The following COL24A1 variants were observed in gnomAD, a reference collection of about 807,000 sequenced individuals.
COL24A1 encodes collagen type XXIV alpha 1 chain, also known as collagen alpha-1(XXIV) chain.
Under a neutral mutation model 253.9 loss-of-function variants are expected in COL24A1, and 224 were observed. The ratio of observed to expected loss-of-function variants is 0.88; its 90% confidence interval spans 0.79 to 0.99. COL24A1 has a LOEUF of 0.99. Among genes scored for constraint, COL24A1 ranks in the 50% least tolerant of loss-of-function variants. The pLI, the probability that COL24A1 is intolerant of heterozygous loss-of-function variation, is 0.00. For missense variants in COL24A1, 2,131 were observed against 2,068.5 expected (o/e 1.03, Z -0.59); for synonymous variants, 685 against 673.7 (o/e 1.02, Z -0.26).
intron 55 of COL24A1, among the ~76,000 whole-genome samples, chr1:85,748,800 C>G (rs1380596591): frequency 2.2e-5 from 2 of 92,366 alleles, no homozygotes; most frequent in African/African-American, 4.0e-5. Flanking sequence ...GGGTCACTCC[C>G]ACCCGAATAT....
In COL24A1 at chr1:85,896,387, A is replaced by C; in HGVS notation, c.2801T>G (p.Leu934Arg). Reference protein sequence around the residue: ...GQRGSRGPDGLLGEQGIQGAK... With the variant: ...GQRGSRGPDGRLGEQGIQGAK... Reference sequence around the variant, plus strand: ...ACCTTGTATACCTTGTTCCCCTAAGAGACCATCTGGTCCTCTTGATCCCTA... The same window carrying C: ...ACCTTGTATACCTTGTTCCCCTAAGCGACCATCTGGTCCTCTTGATCCCTA... The change falls in exon 29 of 60, where the codon CTC becomes CGC. Residue 934 changes from leucine (L) to arginine (R), a missense_variant. Physicochemically the swap from Leu to Arg is moderately radical, Grantham distance 102 (BLOSUM62 -2). Coordinates refer to ENST00000370571, the MANE Select transcript of COL24A1 (RefSeq NM_152890.7). The C allele has an allele frequency of 6.2e-7, 1 of 1,613,528 alleles. No individual in the cohort carries two copies. The highest frequency in any genetic ancestry group is 8.5e-7 in the Non-Finnish European group (1 of 1,179,480).
chr1:85,781,192 CA>C, intron 52 of COL24A1, 27 bp downstream of exon 52: 1 of 1,509,972 alleles, frequency 6.6e-7, no homozygotes, highest in Non-Finnish European at 9.0e-7. Context: ...AAAAAGAGTA[CA>C]AAAGACTTGT....
intron 37 of COL24A1, among the ~76,000 whole-genome samples, chr1:85,860,940 T>A (rs1679078491): frequency 6.6e-6 from 1 of 152,238 alleles, no homozygotes; most frequent in Non-Finnish European, 1.5e-5. Context: ...TTCTACTTTT[T>A]CGCTCTTATA....
At chr1:85,742,681 A>G (rs967587228) in intron 57 of COL24A1, among the ~76,000 whole-genome samples, 1 of 152,094 alleles carries the variant, frequency 6.6e-6, no homozygotes. Flanking sequence ...TGTTAACAAC[A>G]TCCCACCCTT....
intron 47 of COL24A1, among the ~76,000 whole-genome samples, chr1:85,792,348 T>C (rs1239824459): frequency 6.6e-6 from 1 of 151,686 alleles, no homozygotes; most frequent in African/African-American, 2.4e-5. Flanking sequence ...AAAATATAGA[T>C]ATAAATAATA....
intron 39 of COL24A1, among the ~76,000 whole-genome samples, chr1:85,842,809 A>C (rs1676759055): frequency 6.6e-6 from 1 of 152,106 alleles, no homozygotes; most frequent in Admixed American, 6.6e-5. Context: ...ACTCATTGTT[A>C]GTTTCAGATG....
chr1:86,009,802 G>T (rs145218026), intron 19 of COL24A1, among the ~76,000 whole-genome samples: 161 of 152,174 alleles, frequency 1.1e-3, no homozygotes, highest in African/African-American at 3.7e-3. Flanking sequence ...TGTTATGAAG[G>T]CATTATATGA....
At chr1:85,809,848 A>G (rs1672354083) in intron 47 of COL24A1, among the ~76,000 whole-genome samples, 1 of 149,872 alleles carries the variant, frequency 6.7e-6, no homozygotes, top group Admixed American at 6.7e-5. Flanking sequence ...TTAGGTATGC[A>G]TTTCAGTGGC....
intron 5 of COL24A1, among the ~76,000 whole-genome samples, chr1:86,108,590 C>T (rs1705217925): frequency 1.6e-5 from 2 of 127,998 alleles, no homozygotes; most frequent in Non-Finnish European, 3.1e-5. Flanking sequence ...CGAGACCAGC[C>T]TGATGAAAAT....
At chr1:86,005,994 ATACT>A (rs1695920541) in intron 19 of COL24A1, among the ~76,000 whole-genome samples, 2 of 152,210 alleles carry the variant, frequency 1.3e-5, no homozygotes, top group Admixed American at 1.3e-4. Context: ...GCACCAACTA[ATACT>A]TAGTTATGAA....
At chr1:85,860,634 G>A (rs557704374) in intron 37 of COL24A1, among the ~76,000 whole-genome samples, 35 of 152,248 alleles carry the variant, frequency 2.3e-4, no homozygotes, top group East Asian at 3.9e-4. Context: ...CCAGCTACTC[G>A]GGAGGCTGAG....
intron 5 of COL24A1, among the ~76,000 whole-genome samples, chr1:86,104,951 T>C (rs1303756239): frequency 6.6e-6 from 1 of 152,114 alleles, no homozygotes; most frequent in East Asian, 1.9e-4. Context: ...GTAGCATGAC[T>C]CAGGAAGGTG....
intron 7 of COL24A1, among the ~76,000 whole-genome samples, chr1:86,078,752 G>A (rs2101892757): frequency 6.6e-6 from 1 of 152,054 alleles, no homozygotes; most frequent in South Asian, 2.1e-4. Flanking sequence ...AACCAAATAA[G>A]TAAAAGATCT....
chr1:86,145,998 G>A, intron 2 of COL24A1, 121 bp downstream of exon 2: 2 of 777,674 alleles, frequency 2.6e-6, no homozygotes, highest in Admixed American at 2.8e-5. Flanking sequence ...GGTACTGGGT[G>A]GAATTTTTGT....
At chr1:85,835,073 C>T (rs1264683685) in intron 43 of COL24A1, among the ~76,000 whole-genome samples, 1 of 152,106 alleles carries the variant, frequency 6.6e-6, no homozygotes, top group Non-Finnish European at 1.5e-5. Context: ...CCTAGCTCTT[C>T]TCCTGGCCCA....
At chr1:85,980,120 T>C (rs1558881261) in intron 20 of COL24A1, among the ~76,000 whole-genome samples, 1 of 152,170 alleles carries the variant, frequency 6.6e-6, no homozygotes, top group Non-Finnish European at 1.5e-5. Context: ...GAAAAAGCAT[T>C]TGAGAAAATT....
intron 32 of COL24A1, among the ~76,000 whole-genome samples, chr1:85,888,574 G>A (rs1434697666): frequency 6.6e-6 from 1 of 151,860 alleles, no homozygotes; most frequent in Non-Finnish European, 1.5e-5. Context: ...CATTATTTTA[G>A]GTCAGATAAA....
rs927555544 is a variant in COL24A1, at chr1:85,729,476, T to C, written c.*1070A>G. 2 of 152,504 alleles carry C rather than the reference T, an allele frequency of 1.3e-5. No homozygotes were observed. The highest frequency in any genetic ancestry group is 2.9e-5 in the Non-Finnish European group (2 of 68,020). The allele number at this position is 152,504 out of a possible 1,614,324, so 9.4% of individuals were successfully genotyped here. A position where few individuals can be genotyped will look rare whatever the true frequency, so the allele number is the denominator to read the frequency against. ...GACTGGTAAATTAAAAATTTTAAAG[T>C]ACTAACACTAAATTTAAGTACAGTG... is the stretch of plus-strand genomic sequence containing the variant. On this transcript the variant is annotated 3_prime_UTR_variant, in exon 60 of 60. Coordinates refer to ENST00000370571, the MANE Select transcript of COL24A1 (RefSeq NM_152890.7).
chr1:85,784,678 T>C (rs1669493988), intron 48 of COL24A1, among the ~76,000 whole-genome samples: 1 of 151,988 alleles, frequency 6.6e-6, no homozygotes, highest in Admixed American at 6.6e-5. Context: ...AGTGAGGGTG[T>C]GGTATGTGTG....
Sources: gnomAD v4.1 joint callset for allele counts (sites outside exome capture counted in the v4.1 genomes callset) on GRCh38, gnomAD v4.1.1 for gene constraint, MANE v1.5 for transcripts, NCBI Gene and HGNC (gene_info 2026-07-23, HGNC 2026-07-21) for gene names.